SAMM50: variants seen among roughly 807,000 people sequenced by gnomAD.
SAMM50 encodes SAMM50 sorting and assembly machinery component, also known as sorting and assembly machinery component 50 homolog.
A neutral mutation model predicts 66.9 loss-of-function variants in SAMM50; 47 were observed. The observed-to-expected ratio is 0.70, with a 90% CI of 0.56 to 0.90. The LOEUF is 0.90. Ranked by LOEUF, SAMM50 falls within the 40% of genes least tolerant of loss-of-function variation. The probability of loss-of-function intolerance (pLI) is 0.00; values close to 1 mark genes in which losing one functional copy is unlikely to be tolerated. For synonymous variants in SAMM50, 191 were observed against 214.1 expected (o/e 0.89, Z 0.94); for missense variants, 535 against 595.3 (o/e 0.90, Z 1.05).
At chr22:43,963,117 A>G (rs16991236) in intron 1 of SAMM50, 169 bp from the exon 2 acceptor site, 46,078 of 459,370 alleles carry the variant, frequency 0.1, 3,779 homozygotes, top group East Asian at 0.35. Context: ...CTCATTAGCA[A>G]TAGCTGACGG....
intron 14 of SAMM50, among the ~76,000 whole-genome samples, chr22:43,991,152 A>G (rs1008679922): frequency 6.6e-6 from 1 of 151,354 alleles, no homozygotes; most frequent in African/African-American, 2.4e-5. Context: ...AATTTTTTGT[A>G]TATTTAGTAG....
intron 1 of SAMM50, among the ~76,000 whole-genome samples, chr22:43,958,859 T>A (rs1000855151): frequency 6.6e-6 from 1 of 152,156 alleles, no homozygotes; most frequent in Non-Finnish European, 1.5e-5. Flanking sequence ...TTTATTTGAC[T>A]TTTTCATCCC....
intron 14 of SAMM50, 58 bp from the exon 15 acceptor site, chr22:43,996,280 G>A: frequency 1.9e-6 from 3 of 1,584,134 alleles, no homozygotes; most frequent in Non-Finnish European, 1.7e-6. Context: ...TCAGTGAGTC[G>A]TGAAGATGGC....
chr22:43,971,076 G>C (rs1166276259), intron 4 of SAMM50, among the ~76,000 whole-genome samples: 1 of 152,142 alleles, frequency 6.6e-6, no homozygotes, highest in Non-Finnish European at 1.5e-5. Flanking sequence ...GCTGAGGCAG[G>C]AGAATTGCTT....
chr22:43,979,584 C>A (rs1225206714), intron 10 of SAMM50, among the ~76,000 whole-genome samples: 3 of 151,974 alleles, frequency 2.0e-5, no homozygotes, highest in Non-Finnish European at 4.4e-5. Flanking sequence ...CCTTCCCCTT[C>A]CCCCCTCTAC....
intron 6 of SAMM50, 98 bp downstream of exon 6, chr22:43,973,099 C>A: frequency 6.8e-7 from 1 of 1,463,206 alleles, no homozygotes; most frequent in African/African-American, 1.4e-5. Context: ...TCAGCTGCCA[C>A]TTCTGCAGTG....
chr22:43,963,129 A>G, intron 1 of SAMM50, 157 bp from the exon 2 acceptor site: 1 of 493,942 alleles, frequency 2.0e-6, no homozygotes, highest in South Asian at 3.6e-5. Flanking sequence ...AGCTGACGGC[A>G]CCTTTTTACT....
At chr22:43,959,221 GTTGTCCAGGC>G (rs2050135969) in intron 1 of SAMM50, among the ~76,000 whole-genome samples, 1 of 151,908 alleles carries the variant, frequency 6.6e-6, no homozygotes, top group African/African-American at 2.4e-5. Context: ...GTTTCACCAT[GTTGTCCAGGC>G]TGGTCCTGAA....
chr22:43,977,902 A>T lies in SAMM50; in HGVS notation c.880A>T (p.Ser294Cys). 6.2e-7 allele frequency: 1 copy of T among 1,612,474 alleles called. No homozygotes were observed. The highest frequency in any genetic ancestry group is 1.1e-5 in the South Asian group (1 of 90,730). Residue 294 changes from serine (S) to cysteine (C), a missense_variant, in exon 10 of 15, where the codon AGC becomes TGC. Transcript: ENST00000350028. Reference protein sequence around the residue: ...ELAGYTGGDVSFIKEDFELQL... With the variant: ...ELAGYTGGDVCFIKEDFELQL... ...GGCAGGCTACACTGGCGGGGATGTG[A>T]GCTTCATCAAAGAAGATTTTGAACT...
chr22:43,973,214 G>A (rs766076381), intron 6 of SAMM50, 22 bp from the exon 7 acceptor site: 1 of 1,482,536 alleles, frequency 6.7e-7, no homozygotes, highest in Non-Finnish European at 9.4e-7. Context: ...AGCTTTTAAA[G>A]CTCTATCCCA....
chr22:43,981,909 A>G (rs930256620), intron 11 of SAMM50, among the ~76,000 whole-genome samples: 9 of 152,244 alleles, frequency 5.9e-5, no homozygotes, highest in Admixed American at 2.0e-4. Context: ...TTTTGTAAAT[A>G]ACATTGTAAA....
At chr22:43,971,867 C>T (rs1007094425) in intron 4 of SAMM50, among the ~76,000 whole-genome samples, 1 of 152,090 alleles carries the variant, frequency 6.6e-6, no homozygotes, top group Non-Finnish European at 1.5e-5. Flanking sequence ...CTCGCCACCA[C>T]ATCTGGCTAA....
intron 9 of SAMM50, 58 bp downstream of exon 9, chr22:43,976,879 A>G (rs1309897231): frequency 7.3e-6 from 7 of 956,272 alleles, no homozygotes; most frequent in Non-Finnish European, 8.0e-6. Flanking sequence ...TTTGGACAGT[A>G]GATAAAGTCC....
At chr22:43,990,691 A>C (rs2050319608) in intron 14 of SAMM50, among the ~76,000 whole-genome samples, 1 of 151,948 alleles carries the variant, frequency 6.6e-6, no homozygotes, top group Admixed American at 6.6e-5. Context: ...AGGAATTGAC[A>C]GGTGATTTGG....
At chr22:43,976,313 C>A in intron 8 of SAMM50, 130 bp downstream of exon 8, 1 of 1,021,322 alleles carries the variant, frequency 9.8e-7, no homozygotes, top group Non-Finnish European at 1.4e-6. Context: ...ACAGTGGCGG[C>A]CCCCACTCCC....
intron 4 of SAMM50, among the ~76,000 whole-genome samples, chr22:43,970,904 C>T (rs971513814): frequency 1.3e-5 from 2 of 152,120 alleles, no homozygotes; most frequent in Admixed American, 6.5e-5. Context: ...GGGTGGCTCA[C>T]GCCTGTAATC....
chr22:43,980,425 G>C (rs1269427023), intron 10 of SAMM50, among the ~76,000 whole-genome samples: 1 of 151,382 alleles, frequency 6.6e-6, no homozygotes, highest in Non-Finnish European at 1.5e-5. Flanking sequence ...AGTTAGGATG[G>C]TCAGGGAGGG....
chr22:43,973,702 C>T (rs1189895694), intron 7 of SAMM50, among the ~76,000 whole-genome samples: 1 of 152,194 alleles, frequency 6.6e-6, no homozygotes, highest in Non-Finnish European at 1.5e-5. Flanking sequence ...ATGGCACGAT[C>T]TCGGCTCACT....
intron 14 of SAMM50, 105 bp downstream of exon 14, chr22:43,990,511 T>G: frequency 8.7e-7 from 1 of 1,149,040 alleles, no homozygotes; most frequent in Non-Finnish European, 1.3e-6. Flanking sequence ...CTTGAAGATT[T>G]TAAGAGAATT....
Sources: allele counts gnomAD v4.1 joint callset (sites outside exome capture counted in the v4.1 genomes callset), GRCh38; gene constraint gnomAD v4.1.1; transcripts MANE v1.5; gene names NCBI Gene and HGNC (gene_info 2026-07-23, HGNC 2026-07-21).